Variants in RANBP2 observed in about 807,000 individuals in gnomAD.
RANBP2 encodes the protein E3 SUMO-protein ligase RanBP2.
In RANBP2, 57 loss-of-function variants were observed where a neutral mutation model predicts 303.6. The ratio of observed to expected loss-of-function variants is 0.19; its 90% confidence interval spans 0.15 to 0.23. RANBP2 has a LOEUF of 0.23. RANBP2 is among the 10% of genes least tolerant of loss of function. The pLI is 1.00. For synonymous variants in RANBP2, 1,167 were observed against 1,301.5 expected (o/e 0.90, Z 2.23); for missense variants, 3,138 against 3,780.8 (o/e 0.83, Z 4.46).
the RANBP2 span, among the ~76,000 whole-genome samples, chr2:109,049,730 C>CT: frequency 6.6e-6 from 1 of 152,224 alleles, no homozygotes; most frequent in Non-Finnish European, 1.5e-5. Context: ...CCTCCCTTAT[C>CT]TGTCAAGCTT....
At chr2:109,138,100 C>T in the RANBP2 span, among the ~76,000 whole-genome samples, 1 of 152,226 alleles carries the variant, frequency 6.6e-6, no homozygotes, top group Admixed American at 6.5e-5. Context: ...ACTGCTACCT[C>T]CGCCTCCAGG....
chr2:109,318,693 G>A, the RANBP2 span, among the ~76,000 whole-genome samples: 7 of 152,126 alleles, frequency 4.6e-5, no homozygotes, highest in East Asian at 1.9e-4. Flanking sequence ...CTCAGATCAT[G>A]CCCTGGCCAG....
At chr2:109,613,917 G>A in the RANBP2 span, 10 of 1,220,416 alleles carry the variant, frequency 8.2e-6, no homozygotes, top group East Asian at 2.6e-4. Flanking sequence ...CCGGAGGGCA[G>A]AAGCAACGGG....
At chr2:109,336,818 G>C in the RANBP2 span, among the ~76,000 whole-genome samples, 2 of 152,142 alleles carry the variant, frequency 1.3e-5, no homozygotes, top group African/African-American at 4.8e-5. Flanking sequence ...ATGGAAATGG[G>C]GTGCCGAGGG....
chr2:109,732,210 T>C, the RANBP2 span, among the ~76,000 whole-genome samples: 1 of 152,132 alleles, frequency 6.6e-6, no homozygotes, highest in Middle Eastern at 3.2e-3. Context: ...AGTAAAGTAT[T>C]AATTAATTGC....
At chr2:109,627,378 G>A in the RANBP2 span, among the ~76,000 whole-genome samples, 9 of 152,194 alleles carry the variant, frequency 5.9e-5, no homozygotes, top group African/African-American at 2.2e-4. Context: ...TGTATTTTTA[G>A]TAGAGATGGG....
At chr2:108,861,836 C>T in the RANBP2 span, among the ~76,000 whole-genome samples, 45 of 152,088 alleles carry the variant, frequency 3.0e-4, no homozygotes, top group Non-Finnish European at 6.2e-4. Context: ...CGCGCCCAGC[C>T]TAAACTTTCT....
chr2:109,545,217 C>G, the RANBP2 span: 23 of 985,194 alleles, frequency 2.3e-5, no homozygotes, highest in Non-Finnish European at 2.7e-5. Flanking sequence ...AATGAGCATT[C>G]TGAATAGAAC....
At chr2:109,545,817 T>C in the RANBP2 span, 45 of 1,427,018 alleles carry the variant, frequency 3.2e-5, no homozygotes, top group Non-Finnish European at 3.9e-5. Flanking sequence ...ATTTTGTTCA[T>C]TCATTCATTT....
downstream of RANBP2, chr2:108,786,775 G>C (rs768414745): frequency 2.0e-6 from 3 of 1,519,052 alleles, no homozygotes; most frequent in South Asian, 1.2e-5. Flanking sequence ...AGCGCCGCGG[G>C]TTTGATGAAC....
At chr2:108,924,999 C>T in the RANBP2 span, among the ~76,000 whole-genome samples, 1,011 of 152,358 alleles carry the variant, frequency 6.6e-3, 10 homozygotes, top group African/African-American at 0.023. Context: ...CCCATCTCAC[C>T]TCCTCTGTGC....
chr2:109,189,379 T>C, the RANBP2 span, among the ~76,000 whole-genome samples: 1 of 151,094 alleles, frequency 6.6e-6, no homozygotes, highest in South Asian at 2.1e-4. Flanking sequence ...TTTTTTTTTT[T>C]TTCTTTTTTT....
At chr2:109,218,108 A>G in the RANBP2 span, among the ~76,000 whole-genome samples, 1 of 151,920 alleles carries the variant, frequency 6.6e-6, no homozygotes. Flanking sequence ...GTTTTTGGAA[A>G]CTGAGTAGAG....
chr2:109,105,657 C>T, the RANBP2 span, among the ~76,000 whole-genome samples: 4 of 152,182 alleles, frequency 2.6e-5, no homozygotes, highest in African/African-American at 7.2e-5. Context: ...CAGGTTCAAG[C>T]GATTCTCCTG....
chr2:109,406,071 G>C, the RANBP2 span, among the ~76,000 whole-genome samples: 1 of 152,236 alleles, frequency 6.6e-6, no homozygotes, highest in Non-Finnish European at 1.5e-5. Context: ...AGGGCGTGCA[G>C]CCGGCTGAGC....
chr2:109,445,614 T>A, the RANBP2 span, among the ~76,000 whole-genome samples: 2 of 151,948 alleles, frequency 1.3e-5, no homozygotes, highest in Admixed American at 1.3e-4. Flanking sequence ...GTTAATAAAT[T>A]ATGGGGGAAA....
chr2:109,192,106 A>G, the RANBP2 span, among the ~76,000 whole-genome samples: 3 of 152,138 alleles, frequency 2.0e-5, no homozygotes, highest in Admixed American at 1.3e-4. Flanking sequence ...AACTTTGGTT[A>G]ATTTTGGACT....
the RANBP2 span, among the ~76,000 whole-genome samples, chr2:108,849,438 A>G: frequency 1.3e-5 from 2 of 151,984 alleles, no homozygotes; most frequent in African/African-American, 4.8e-5. Context: ...CCTTTCCTCC[A>G]CACCCTGGCC....
the RANBP2 span, among the ~76,000 whole-genome samples, chr2:109,121,669 G>A: frequency 6.6e-6 from 1 of 152,168 alleles, no homozygotes; most frequent in Non-Finnish European, 1.5e-5. Flanking sequence ...TGCTTAGCAA[G>A]TGGGAAAGAC....
Sources: allele counts gnomAD v4.1 joint callset (sites outside exome capture counted in the v4.1 genomes callset), GRCh38; gene constraint gnomAD v4.1.1; transcripts MANE v1.5; gene names NCBI Gene and HGNC (gene_info 2026-07-23, HGNC 2026-07-21).